The following TAMM41 variants were observed in gnomAD, a reference collection of about 807,000 sequenced individuals.
TAMM41 encodes the protein phosphatidate cytidylyltransferase, mitochondrial.
Under a neutral mutation model 44.1 loss-of-function variants are expected in TAMM41, and 36 were observed. The observed-to-expected ratio is 0.82, with a 90% CI of 0.63 to 1.08. The LOEUF (loss-of-function observed/expected upper bound fraction) is 1.08. TAMM41 is among the 50% of genes least tolerant of loss of function. The probability of loss-of-function intolerance (pLI) is 0.00; values close to 1 mark genes in which losing one functional copy is unlikely to be tolerated. For missense variants in TAMM41, 417 were observed against 404.3 expected, an observed-to-expected ratio of 1.03 and a Z score of -0.27; for synonymous variants, 164 against 153.1, an observed-to-expected ratio of 1.07 and a Z score of -0.53.
At position 11,846,823 on chromosome 3, in the gene TAMM41, C is replaced by G. The variant is rs557978753; in HGVS notation, c.-187G>C. The G allele has an allele frequency of 8.3e-6, 6 of 719,866 alleles. No individual in the cohort carries two copies. Among genetic ancestry groups the G allele is most frequent in the Middle Eastern group, 4.0e-4 (1 of 2,492 alleles). 44.6% of individuals were successfully genotyped at this position (719,866 alleles called of 1,614,324 possible). On this transcript the variant is annotated 5_prime_UTR_variant, in exon 1 of 8. Transcript: ENST00000455809. ...TGGGGCGTTGGGCCACGAAGAGCAG[C>G]GGCGAGAAGACGCAGCCCAGATAGG...
At chr3:11,754,093 G>A in the TAMM41 span, among the ~76,000 whole-genome samples, 3 of 152,182 alleles carry the variant, frequency 2.0e-5, no homozygotes, top group East Asian at 5.8e-4. Context: ...AGGAATCTTG[G>A]TTACTTTCAC....
the TAMM41 span, among the ~76,000 whole-genome samples, chr3:11,734,410 C>G: frequency 1 from 152,136 of 152,300 alleles, 75,986 homozygotes; most frequent in Middle Eastern, 1. Context: ...ACAGAGGTGG[C>G]GTCCAGACTG....
At chr3:11,830,467 TATA>T (rs2078935493) in intron 3 of TAMM41, among the ~76,000 whole-genome samples, 1 of 152,222 alleles carries the variant, frequency 6.6e-6, no homozygotes, top group Non-Finnish European at 1.5e-5. Flanking sequence ...AAAGATTGAC[TATA>T]ATAATAAATG....
At chr3:11,833,080 T>C (rs1231946794) in intron 3 of TAMM41, 1 of 1,262,934 alleles carries the variant, frequency 7.9e-7, no homozygotes, top group Admixed American at 2.5e-5. Context: ...ACTAGGAACT[T>C]GTCTCAGCAG....
intron 5 of TAMM41, chr3:11,816,986 T>A (rs894979944): frequency 1.6e-5 from 8 of 490,900 alleles, no homozygotes; most frequent in Non-Finnish European, 2.8e-5. Flanking sequence ...CTGCCCCTAG[T>A]TCCCTTCTCC....
At chr3:11,817,462 CT>C in intron 4 of TAMM41, 125 bp from the exon 5 acceptor site, 1 of 969,520 alleles carries the variant, frequency 1.0e-6, no homozygotes, top group Non-Finnish European at 1.5e-6. Flanking sequence ...AGAACACTTG[CT>C]TTTCCTCCTC....
chr3:11,846,486 G>A lies in TAMM41; in HGVS notation c.135+16C>T. The A allele has an allele frequency of 6.2e-7, 1 of 1,614,048 alleles. No individual in the cohort carries two copies. The highest frequency in any genetic ancestry group is 8.5e-7 in the Non-Finnish European group (1 of 1,179,990). ...GAGAACAGACAGTTCCCCGTCGTGG[G>A]GCTGCCCGGGCTCACCTTCTGGTCT... On this transcript the variant is annotated intron_variant, in intron 1 of 7. Coordinates refer to ENST00000455809, the MANE Select transcript of TAMM41 (RefSeq NM_001284401.2).
chr3:11,746,301 CAAAA>C, the TAMM41 span, among the ~76,000 whole-genome samples: 8,193 of 115,818 alleles, frequency 0.071, 260 homozygotes, highest in South Asian at 0.15. Flanking sequence ...GAGACTCTCT[CAAAA>C]AAAAAAAAAA....
intron 2 of TAMM41, among the ~76,000 whole-genome samples, chr3:11,841,373 G>A (rs1408319898): frequency 1.3e-5 from 2 of 151,976 alleles, no homozygotes; most frequent in African/African-American, 4.8e-5. Context: ...ATGAGCTGCC[G>A]TGCCCGGACA....
chr3:11,818,029 G>A (rs1021302126), intron 4 of TAMM41, among the ~76,000 whole-genome samples: 6 of 152,146 alleles, frequency 3.9e-5, no homozygotes, highest in Admixed American at 6.5e-5. Context: ...GACAACCATC[G>A]GCAAGATGGA....
At chr3:11,768,479 A>G in the TAMM41 span, among the ~76,000 whole-genome samples, 1 of 152,214 alleles carries the variant, frequency 6.6e-6, no homozygotes. Context: ...TGACAAAGTG[A>G]ATGTGACAAG....
chr3:11,845,883 A>G (rs551355394), intron 1 of TAMM41, among the ~76,000 whole-genome samples: 1 of 152,380 alleles, frequency 6.6e-6, no homozygotes, highest in South Asian at 2.1e-4. Flanking sequence ...GACCGTTGTT[A>G]AAAGTGCTGA....
At chr3:11,754,098 T>C in the TAMM41 span, among the ~76,000 whole-genome samples, 1 of 152,152 alleles carries the variant, frequency 6.6e-6, no homozygotes, top group South Asian at 2.1e-4. Flanking sequence ...TCTTGGTTAC[T>C]TTCACGTGGT....
the TAMM41 span, among the ~76,000 whole-genome samples, chr3:11,745,350 G>C: frequency 6.6e-6 from 1 of 152,148 alleles, no homozygotes; most frequent in Non-Finnish European, 1.5e-5. Flanking sequence ...ATCAATAAAA[G>C]GGGAACTCAA....
At chr3:11,807,496 G>T (rs944474865) in intron 7 of TAMM41, 2 of 1,536,064 alleles carry the variant, frequency 1.3e-6, no homozygotes, top group African/African-American at 1.4e-5. Flanking sequence ...GGAAGAGGAG[G>T]GGGAGCACAG....
At chr3:11,791,820 T>G (rs1221098980) in intron 7 of TAMM41, among the ~76,000 whole-genome samples, 2 of 152,202 alleles carry the variant, frequency 1.3e-5, no homozygotes, top group Non-Finnish European at 2.9e-5. Context: ...GCTGACTACT[T>G]GCAAACCAAC....
the TAMM41 span, among the ~76,000 whole-genome samples, chr3:11,730,883 T>C: frequency 1.3e-5 from 2 of 152,236 alleles, no homozygotes; most frequent in Admixed American, 1.3e-4. Flanking sequence ...GGGGTTCGAA[T>C]GTGAGCACCA....
At chr3:11,824,107 G>A (rs947354957) in intron 4 of TAMM41, among the ~76,000 whole-genome samples, 1 of 151,990 alleles carries the variant, frequency 6.6e-6, no homozygotes, top group African/African-American at 2.4e-5. Context: ...GATTACAGGC[G>A]TGAGCCACTG....
the TAMM41 span, among the ~76,000 whole-genome samples, chr3:11,725,167 T>G: frequency 1.2e-3 from 142 of 123,448 alleles, 3 homozygotes; most frequent in African/African-American, 3.5e-3. Context: ...TTCTCCTCCC[T>G]CCTTGTTCTC....
Sources: gnomAD v4.1 joint callset for allele counts (sites outside exome capture counted in the v4.1 genomes callset) on GRCh38, gnomAD v4.1.1 for gene constraint, MANE v1.5 for transcripts, NCBI Gene and HGNC (gene_info 2026-07-23, HGNC 2026-07-21) for gene names.